EIF4EBP1: variants seen among roughly 807,000 people sequenced by gnomAD.
EIF4EBP1 encodes the protein eukaryotic translation initiation factor 4E-binding protein 1.
A neutral mutation model predicts 9.2 loss-of-function variants in EIF4EBP1; 5 were observed. The observed-to-expected ratio is 0.54, with a 90% CI of 0.28 to 1.14. The LOEUF is 1.14. Among genes scored for constraint, EIF4EBP1 ranks in the 50% most tolerant of loss-of-function variants. EIF4EBP1 has a pLI of 0.09. For missense variants in EIF4EBP1, 139 were observed against 169.6 expected, an observed-to-expected ratio of 0.82 and a Z score of 1.00; for synonymous variants, 62 against 67.0, an observed-to-expected ratio of 0.93 and a Z score of 0.36.
rs569681473 is a variant in EIF4EBP1, at chr8:38,030,928, T to C, written c.145+210T>C. ...GACCCGAGTTACAAACTGCCCCGTT[T>C]GTTTCCTCTTTCTGTTAGGTGTCAG... On this transcript the variant is annotated intron_variant, in intron 1 of 2. Coordinates refer to ENST00000338825, the MANE Select transcript of EIF4EBP1 (RefSeq NM_004095.4). 5.3e-5 allele frequency among the ~76,000 whole-genome samples: 8 copies of C among 152,266 alleles called. No individual in the cohort carries two copies. In the South Asian group the frequency reaches 1.5e-3, roughly 28 times the overall value.
chr8:38,053,513 G>A (rs58105836), intron 1 of EIF4EBP1, among the ~76,000 whole-genome samples: 4,533 of 152,288 alleles, frequency 0.03, 264 homozygotes, highest in East Asian at 0.23. Context: ...ACCACGCCTG[G>A]CTAATTTTTG....
chr8:38,048,287 T>A (rs1022025321), intron 1 of EIF4EBP1, among the ~76,000 whole-genome samples: 2 of 151,874 alleles, frequency 1.3e-5, no homozygotes, highest in African/African-American at 4.8e-5. Context: ...AAAAAAAAAT[T>A]TAAACTAAAA....
At chr8:38,031,997 T>A (rs1014864102) in intron 1 of EIF4EBP1, among the ~76,000 whole-genome samples, 3 of 152,202 alleles carry the variant, frequency 2.0e-5, no homozygotes, top group South Asian at 2.1e-4. Context: ...CCTCTTTCCC[T>A]TGCTGGGTCT....
chr8:38,047,615 G>A (rs1373894185), intron 1 of EIF4EBP1, among the ~76,000 whole-genome samples: 2 of 151,938 alleles, frequency 1.3e-5, no homozygotes, highest in African/African-American at 4.8e-5. Context: ...CTCCCAAGTA[G>A]CTGGGATTAC....
chr8:38,059,792 T>G (rs553010325), intron 2 of EIF4EBP1, 112 bp from the exon 3 acceptor site: 119 of 1,059,040 alleles, frequency 1.1e-4, no homozygotes, highest in Non-Finnish European at 1.6e-4. Context: ...AAAACTTATT[T>G]TCTTTATAAA....
intron 1 of EIF4EBP1, among the ~76,000 whole-genome samples, 176 bp downstream of exon 1, chr8:38,030,894 C>T (rs935617946): frequency 6.6e-6 from 1 of 152,212 alleles, no homozygotes. Flanking sequence ...CCTCTGAGTG[C>T]GTCTTCCAGA....
intron 1 of EIF4EBP1, among the ~76,000 whole-genome samples, chr8:38,042,548 T>C (rs1460685138): frequency 6.6e-6 from 1 of 152,106 alleles, no homozygotes; most frequent in African/African-American, 2.4e-5. Flanking sequence ...CAGGGCTGGG[T>C]TCTGAGGCCC....
At chr8:38,054,102 C>T (rs556922112) in intron 1 of EIF4EBP1, among the ~76,000 whole-genome samples, 9 of 152,260 alleles carry the variant, frequency 5.9e-5, no homozygotes, top group African/African-American at 1.7e-4. Context: ...GGCCCCTGGG[C>T]GCTTCTTTGA....
intron 1 of EIF4EBP1, among the ~76,000 whole-genome samples, chr8:38,055,181 C>T (rs1255141394): frequency 1.3e-5 from 2 of 152,152 alleles, no homozygotes; most frequent in Non-Finnish European, 2.9e-5. Context: ...TTCAGCATCT[C>T]ACGTCATCCT....
chr8:38,056,772 T>C (rs533264950), intron 1 of EIF4EBP1, among the ~76,000 whole-genome samples: 124 of 151,854 alleles, frequency 8.2e-4, no homozygotes, highest in African/African-American at 2.6e-3. Context: ...CAAGTGATTC[T>C]CCTGCCCCAG....
chr8:38,051,409 TGA>T (rs1809522367), intron 1 of EIF4EBP1, among the ~76,000 whole-genome samples: 1 of 152,068 alleles, frequency 6.6e-6, no homozygotes, highest in East Asian at 1.9e-4. Flanking sequence ...GCATGACTTT[TGA>T]GAGGAGTAGG....
chr8:38,046,256 C>T (rs1809447997), intron 1 of EIF4EBP1, among the ~76,000 whole-genome samples: 1 of 152,074 alleles, frequency 6.6e-6, no homozygotes, highest in South Asian at 2.1e-4. Context: ...TGCTTTGTTA[C>T]CCATGCTGGT....
chr8:38,050,567 C>G (rs1474272281), intron 1 of EIF4EBP1, among the ~76,000 whole-genome samples: 1 of 152,088 alleles, frequency 6.6e-6, no homozygotes, highest in Non-Finnish European at 1.5e-5. Context: ...TCAGGCTGGT[C>G]TCAAACTCCT....
intron 1 of EIF4EBP1, among the ~76,000 whole-genome samples, chr8:38,055,637 G>C (rs1006677655): frequency 4.0e-5 from 6 of 151,460 alleles, no homozygotes; most frequent in Non-Finnish European, 8.8e-5. Flanking sequence ...ATATTAAAAG[G>C]AATTGCTATC....
intron 1 of EIF4EBP1, among the ~76,000 whole-genome samples, chr8:38,055,169 C>T (rs1411214838): frequency 1.3e-5 from 2 of 152,092 alleles, no homozygotes; most frequent in African/African-American, 4.8e-5. Flanking sequence ...ATTCCTCTGC[C>T]CTTCAGCATC....
rs147427362 is a variant in EIF4EBP1 at position 38,035,850 on chromosome 8, C to G, written c.145+5132C>G. On this transcript the variant is annotated intron_variant, in intron 1 of 2. Transcript: ENST00000338825. Reference sequence around the variant, plus strand: ...TCAGCCTCCCGAATAGCTGGGTTTACAGGCGCGCTACCACGCCTGGCTAAT... The same window carrying G: ...TCAGCCTCCCGAATAGCTGGGTTTAGAGGCGCGCTACCACGCCTGGCTAAT... Among the ~76,000 whole-genome samples, 87 of 151,664 alleles carry G rather than the reference C, an allele frequency of 5.7e-4. 1 individual carries two copies. Among genetic ancestry groups the G allele is most frequent in the African/African-American group, 1.9e-3 (77 of 41,326 alleles).
intron 1 of EIF4EBP1, among the ~76,000 whole-genome samples, chr8:38,056,586 A>G (rs1809597934): frequency 6.6e-6 from 1 of 151,206 alleles, no homozygotes; most frequent in South Asian, 2.1e-4. Flanking sequence ...ATTCCATGTG[A>G]AGGGGAGTTG....
chr8:38,030,631 CG>C lies in EIF4EBP1; in HGVS notation c.61del (p.Val21TrpfsTer39). 6.6e-7 allele frequency: 1 copy of C among 1,514,404 alleles called. No homozygotes were observed. The highest frequency in any genetic ancestry group is 8.8e-7 in the Non-Finnish European group (1 of 1,137,968). The allele number at this position is 1,514,404 out of a possible 1,614,324, so 93.8% of individuals were successfully genotyped here. ...AAGCCGGGCCATCCCCGCCACTCGC[CG>C]GGTGGTGCTCGGCGACGGCGTGCAG... is the stretch of plus-strand genomic sequence containing the variant. ...TPSRAIPATR[R>X]VVLGDGVQLP... On this transcript the variant is annotated frameshift_variant, in exon 1 of 3. Transcript: ENST00000338825. LOFTEE classifies it high-confidence loss of function.
rs187010113 is a variant in EIF4EBP1, at chr8:38,049,120, C to T, written c.146-7961C>T. Reference sequence around the variant, plus strand: ...ATCCTGGGCAACAAGAGCGAAACTCCGTCTCAAAAAAAAAAAAAAGAAAAG... The same window carrying T: ...ATCCTGGGCAACAAGAGCGAAACTCTGTCTCAAAAAAAAAAAAAAGAAAAG... On this transcript the variant is annotated intron_variant, in intron 1 of 2. Coordinates refer to ENST00000338825, the MANE Select transcript of EIF4EBP1 (RefSeq NM_004095.4). 1.6e-3 allele frequency among the ~76,000 whole-genome samples: 229 copies of T among 145,682 alleles called. 1 individual carries two copies. Among genetic ancestry groups the T allele is most frequent in the African/African-American group, 5.5e-3 (216 of 39,366 alleles).
Sources: gnomAD v4.1 joint callset for allele counts (sites outside exome capture counted in the v4.1 genomes callset) on GRCh38, gnomAD v4.1.1 for gene constraint, MANE v1.5 for transcripts, NCBI Gene and HGNC (gene_info 2026-07-23, HGNC 2026-07-21) for gene names.